The following CSMD1 variants were observed in gnomAD, a reference collection of about 807,000 sequenced individuals.
CSMD1 encodes the protein CUB and Sushi multiple domains 1.
A neutral mutation model predicts 417.5 loss-of-function variants in CSMD1; 213 were observed. That is an observed-to-expected ratio of 0.51 (90% CI 0.46 to 0.57). The LOEUF is 0.57. CSMD1 is among the 20% of genes least tolerant of loss of function. CSMD1 has a pLI of 0.00. For synonymous variants in CSMD1, 2,862 were observed against 1,736.8 expected (o/e 1.65, Z -16.11); for missense variants, 6,923 against 4,529.7 (o/e 1.53, Z -15.17).
At chr8:3,873,159 C>T (rs1563165213) in intron 5 of CSMD1, among the ~76,000 whole-genome samples, 1 of 151,842 alleles carries the variant, frequency 6.6e-6, no homozygotes. Context: ...TCCTCAAAGA[C>T]CTAAAAACAG....
intron 6 of CSMD1, among the ~76,000 whole-genome samples, chr8:3,716,796 T>G (rs978688528): frequency 1.5e-4 from 23 of 152,182 alleles, no homozygotes; most frequent in African/African-American, 5.3e-4. Flanking sequence ...CATTTAACTC[T>G]GTTGGTCACT....
At chr8:3,825,084 T>C (rs1585051337) in intron 5 of CSMD1, among the ~76,000 whole-genome samples, 1 of 152,206 alleles carries the variant, frequency 6.6e-6, no homozygotes, top group African/African-American at 2.4e-5. Flanking sequence ...ATGTGTGCTT[T>C]ATTTCTTCAG....
rs77189568 is a variant in CSMD1 at position 4,592,308 on chromosome 8, T to C, written c.302+45034A>G. On this transcript the variant is annotated intron_variant, in intron 2 of 69. Transcript: ENST00000635120. ...GAAAGTGGTATATTTACAGTGGTAA[T>C]TGGAATGCTTTTAAATTATTCCATT... Among the ~76,000 whole-genome samples, 185 of 151,918 alleles carry C rather than the reference T, an allele frequency of 1.2e-3. 1 individual carries two copies. In the East Asian group the frequency reaches 0.032, roughly 26 times the overall value.
chr8:3,974,929 T>G (rs1401664142), intron 5 of CSMD1, among the ~76,000 whole-genome samples: 1 of 152,214 alleles, frequency 6.6e-6, no homozygotes, highest in African/African-American at 2.4e-5. Flanking sequence ...TTATCTTGAT[T>G]ACTTCGAACA....
chr8:3,499,712 T>G lies in CSMD1; in HGVS notation c.1345-5986A>C, dbSNP rs146501185. On this transcript the variant is annotated intron_variant, in intron 10 of 69. Transcript: ENST00000635120. ...GTATAGGGTACTTCATGGTCTTGAG[T>G]GCTGGGTTCAGGTTTGTGTCACTGA... is the stretch of plus-strand genomic sequence containing the variant. Among the ~76,000 whole-genome samples, 112 of 152,098 alleles carry G rather than the reference T, an allele frequency of 7.4e-4. 1 individual carries two copies. Among genetic ancestry groups the G allele is most frequent in the Admixed American group, 1.2e-3 (19 of 15,258 alleles).
intron 26 of CSMD1, among the ~76,000 whole-genome samples, chr8:3,272,074 T>G (rs181948738): frequency 1.3e-5 from 2 of 148,766 alleles, no homozygotes; most frequent in African/African-American, 2.5e-5. Flanking sequence ...GTCTAATGTT[T>G]AAGTCTTTAA....
chr8:4,700,328 T>C (rs893246461), intron 1 of CSMD1, among the ~76,000 whole-genome samples: 5 of 151,912 alleles, frequency 3.3e-5, no homozygotes, highest in Admixed American at 3.3e-4. Context: ...ATTTTATCAT[T>C]AATCTATTAT....
At chr8:3,644,402 G>T (rs1476157726) in intron 7 of CSMD1, among the ~76,000 whole-genome samples, 1 of 152,214 alleles carries the variant, frequency 6.6e-6, no homozygotes, top group Non-Finnish European at 1.5e-5. Context: ...AGCCCTGGAA[G>T]CCTCGCATTT....
intron 5 of CSMD1, among the ~76,000 whole-genome samples, chr8:3,795,792 GATAT>G (rs1291133056): frequency 5.4e-4 from 14 of 25,780 alleles, no homozygotes; most frequent in Non-Finnish European, 8.0e-4. Context: ...TACAGATATA[GATAT>G]ATACCTATCA....
Position 3,747,454 on chromosome 8 carries a change from G to C in CSMD1, c.931+6476C>G, listed in dbSNP as rs1303896349. ...TAATGGTCATCCATGCGAACACATA[G>C]CTTTGCAAATTCCTGTTTTTCATAT... On this transcript the variant is annotated intron_variant, in intron 6 of 69. Transcript: ENST00000635120. Among the ~76,000 whole-genome samples, 4 of 151,716 alleles carry C rather than the reference G, an allele frequency of 2.6e-5. No homozygotes were observed. The East Asian group carries it at 7.7e-4, about 29-fold the overall frequency.
intron 42 of CSMD1, among the ~76,000 whole-genome samples, chr8:3,112,145 C>G (rs1418107707): frequency 1.3e-5 from 2 of 151,842 alleles, no homozygotes; most frequent in African/African-American, 2.4e-5. Flanking sequence ...GCTGCTACCT[C>G]CTTTCAAGAG....
chr8:3,913,609 G>C (rs1037000857), intron 5 of CSMD1, among the ~76,000 whole-genome samples: 51 of 152,190 alleles, frequency 3.4e-4, no homozygotes, highest in African/African-American at 1.2e-3. Context: ...GATCTGGCAA[G>C]AATGTACTTA....
At chr8:4,743,565 G>C (rs988405974) in intron 1 of CSMD1, among the ~76,000 whole-genome samples, 4 of 152,174 alleles carry the variant, frequency 2.6e-5, no homozygotes, top group Non-Finnish European at 4.4e-5. Context: ...TAACCACAGA[G>C]AGTGGCTATC....
intron 2 of CSMD1, among the ~76,000 whole-genome samples, chr8:4,575,901 G>A (rs1470862583): frequency 6.6e-6 from 1 of 152,120 alleles, no homozygotes; most frequent in Non-Finnish European, 1.5e-5. Context: ...TGTTACAGCT[G>A]TTGTGATCGT....
At chr8:3,194,651 G>C (rs1027688091) in intron 33 of CSMD1, among the ~76,000 whole-genome samples, 1 of 148,962 alleles carries the variant, frequency 6.7e-6, no homozygotes, top group African/African-American at 2.5e-5. Context: ...TGTACTTTTA[G>C]TAGAGATGGG....
chr8:4,039,780 T>C (rs1027723584), intron 3 of CSMD1, among the ~76,000 whole-genome samples: 4 of 152,214 alleles, frequency 2.6e-5, no homozygotes, highest in African/African-American at 9.7e-5. Context: ...CAAGCATTTA[T>C]AGAAAAGTAT....
chr8:4,769,068 A>T (rs576895543), intron 1 of CSMD1, among the ~76,000 whole-genome samples: 1 of 152,202 alleles, frequency 6.6e-6, no homozygotes, highest in African/African-American at 2.4e-5. Context: ...GTGTGAGGCA[A>T]ACAGTTAACA....
chr8:2,955,529 G>C, intron 64 of CSMD1, 60 bp downstream of exon 64: 2 of 1,547,674 alleles, frequency 1.3e-6, no homozygotes, highest in Non-Finnish European at 1.8e-6. Flanking sequence ...AGCCTGATGG[G>C]CAGCTGATCC....
At chr8:4,759,863 C>T (rs1216399977) in intron 1 of CSMD1, among the ~76,000 whole-genome samples, 1 of 152,126 alleles carries the variant, frequency 6.6e-6, no homozygotes, top group Non-Finnish European at 1.5e-5. Flanking sequence ...AATAGTACTG[C>T]AATGAATATA....
Sources: gnomAD v4.1 joint callset for allele counts (sites outside exome capture counted in the v4.1 genomes callset) on GRCh38, gnomAD v4.1.1 for gene constraint, MANE v1.5 for transcripts, NCBI Gene and HGNC (gene_info 2026-07-23, HGNC 2026-07-21) for gene names.